The following ASS1 variants were observed in gnomAD, a reference collection of about 807,000 sequenced individuals.
ASS1 encodes argininosuccinate synthase 1, also known as argininosuccinate synthase.
ASS1 carries 58 observed loss-of-function variants against 60.5 expected under a neutral mutation model. That is an observed-to-expected ratio of 0.96 (90% confidence interval 0.78 to 1.19). The LOEUF is 1.19. Among genes scored for constraint, ASS1 ranks in the 50% most tolerant of loss-of-function variants. The probability of loss-of-function intolerance (pLI) is 0.00; values close to 1 mark genes in which losing one functional copy is unlikely to be tolerated. For synonymous variants in ASS1, 200 were observed against 206.9 expected (o/e 0.97, Z 0.29); for missense variants, 454 against 547.3 (o/e 0.83, Z 1.70).
rs778919653 is a variant in ASS1, at chr9:130,500,965, CT to C, written c.1194-10del. 1.4e-5 allele frequency: 22 copies of C among 1,613,256 alleles called. No individual in the cohort carries two copies. Among genetic ancestry groups the C allele is most frequent in the Non-Finnish European group, 1.7e-5 (20 of 1,179,524 alleles). ...ATTTACATTTTTCTTTGTTTTGAATCTGGTTTACAGGCTGAAGGAATATCAT... is the reference window on the plus strand; with the variant it reads ...ATTTACATTTTTCTTTGTTTTGAATCGGTTTACAGGCTGAAGGAATATCAT... On this transcript the variant is annotated splice_polypyrimidine_tract_variant and intron_variant, in intron 14 of 14. Transcript: ENST00000352480.
At chr9:130,451,486 C>T (rs1845324428) in intron 1 of ASS1, 1 of 290,156 alleles carries the variant, frequency 3.4e-6, no homozygotes, top group East Asian at 9.5e-5. Context: ...TTCAGAGGCG[C>T]TCACATTTGG....
chr9:130,445,994 C>T lies in ASS1; in HGVS notation c.-6+999C>T, dbSNP rs576692005. ...GGCCTTGGCTCAGCCTCCAGATTCC[C>T]AAGCTTCCTTTTCATTTTCTTTTCT... is the stretch of plus-strand genomic sequence containing the variant. On this transcript the variant is annotated intron_variant, in intron 1 of 14. Transcript: ENST00000352480. Among the ~76,000 whole-genome samples, 4 of 152,308 alleles carry T rather than the reference C, an allele frequency of 2.6e-5. No individual in the cohort carries two copies. The South Asian group carries it at 8.3e-4, about 32-fold the overall frequency.
rs1846070193 is a variant in ASS1 at position 130,478,128 on chromosome 9, C to A, written c.688+1167C>A. Among the ~76,000 whole-genome samples, 1 of 152,232 alleles carries A rather than the reference C, an allele frequency of 6.6e-6. No homozygotes were observed. On this transcript the variant is annotated intron_variant, in intron 9 of 14. Transcript: ENST00000352480. This position sits in a 1 kb window ranked among gnomAD's most constrained non-coding sequence, Gnocchi z 4.7. Reference sequence around the variant, plus strand: ...GGAGGCTAAGTGCTTTAATAATCTGCCTCTTCTGGGCCTTTCCCAAGAGCT... The same window carrying A: ...GGAGGCTAAGTGCTTTAATAATCTGACTCTTCTGGGCCTTTCCCAAGAGCT...
chr9:130,462,408 G>A (rs1194400646), intron 4 of ASS1, among the ~76,000 whole-genome samples: 1 of 152,150 alleles, frequency 6.6e-6, no homozygotes, highest in Non-Finnish European at 1.5e-5. Flanking sequence ...TGGTGCTGGG[G>A]TCTTGGGGTT....
rs1005142053 is a variant in ASS1, at chr9:130,480,464, C to A, written c.838+15C>A. Reference sequence around the variant, plus strand: ...GAAGTCCCGAGGTGAGTCTGCTCAGCCTCCCTCAGGGCCTGCCTCGGGACC... The same window carrying A: ...GAAGTCCCGAGGTGAGTCTGCTCAGACTCCCTCAGGGCCTGCCTCGGGACC... On this transcript the variant is annotated intron_variant, in intron 11 of 14. Transcript: ENST00000352480. 7 of 1,613,508 alleles carry A rather than the reference C, an allele frequency of 4.3e-6. No individual in the cohort carries two copies. The highest frequency in any genetic ancestry group is 4.5e-5 in the East Asian group (2 of 44,886).
intron 4 of ASS1, 58 bp downstream of exon 4, chr9:130,458,647 G>A (rs892936361): frequency 1.3e-6 from 2 of 1,579,732 alleles, no homozygotes; most frequent in African/African-American, 2.7e-5. Flanking sequence ...GTGTGGGAAG[G>A]AGATGAGCAC....
intron 9 of ASS1, among the ~76,000 whole-genome samples, 173 bp from the exon 10 acceptor site, chr9:130,479,543 C>G (rs748409922): frequency 1.6e-4 from 25 of 152,148 alleles, no homozygotes; most frequent in Non-Finnish European, 2.4e-4. Flanking sequence ...CTCGCCCCTT[C>G]TCTCCCTGCA....
intron 1 of ASS1, among the ~76,000 whole-genome samples, chr9:130,450,112 G>GGGCAGGAGGCAGGA (rs1008055758): frequency 6.6e-6 from 1 of 152,118 alleles, no homozygotes; most frequent in Non-Finnish European, 1.5e-5. Context: ...CTGGAGCAGG[G>GGGCAGGAGGCAGGA]GGCAGGAGGC....
rs1397280585 is a variant in ASS1 at position 130,479,718 on chromosome 9, G to A, written c.691G>A (p.Val231Ile). 1.2e-6 allele frequency: 2 copies of A among 1,613,768 alleles called. No individual in the cohort carries two copies. The highest frequency in any genetic ancestry group is 1.7e-6 in the Non-Finnish European group (2 of 1,179,694). ...ACTGCCCTCTCTTCCCACCCTAGGG[G>A]TCCCTGTGAAGGTGACCAACGTCAA... Reference protein sequence around the residue: ...DILEIEFKKGVPVKVTNVKDG... With the variant: ...DILEIEFKKGIPVKVTNVKDG... Residue 231 changes from valine (V) to isoleucine (I), a missense_variant and splice_region_variant, in exon 10 of 15, where the codon GTC becomes ATC. Transcript: ENST00000352480.
In ASS1 at chr9:130,501,023, C is replaced by T; in HGVS notation, c.*2C>T. 1 of 1,612,582 alleles carries T rather than the reference C, an allele frequency of 6.2e-7. No homozygotes were observed. Among genetic ancestry groups the T allele is most frequent in the Non-Finnish European group, 8.5e-7 (1 of 1,179,580 alleles). On this transcript the variant is annotated 3_prime_UTR_variant, in exon 15 of 15. Transcript: ENST00000352480. ...CAGAGCAAGGTCACTGCCAAATAGA[C>T]CCGTGTACAATGAGGAGCTGGGGCC...
chr9:130,463,814 G>A (rs1056441918), intron 4 of ASS1, among the ~76,000 whole-genome samples: 2 of 152,164 alleles, frequency 1.3e-5, no homozygotes, highest in Admixed American at 1.3e-4. Flanking sequence ...CAGGAGCAGG[G>A]CCTGGCCCCC....
chr9:130,472,332 C>A (rs971698991), intron 8 of ASS1, among the ~76,000 whole-genome samples: 4 of 152,088 alleles, frequency 2.6e-5, no homozygotes, highest in African/African-American at 9.7e-5. Context: ...CAGAGCCCCG[C>A]CCAGGATCCC....
At chr9:130,500,248 T>G (rs1424158702) in intron 14 of ASS1, among the ~76,000 whole-genome samples, 1 of 152,158 alleles carries the variant, frequency 6.6e-6, no homozygotes, top group African/African-American at 2.4e-5. Context: ...CACCAGCAGC[T>G]AACATAGACT....
At chr9:130,467,167 G>C (rs1845762780) in intron 6 of ASS1, among the ~76,000 whole-genome samples, 1 of 152,140 alleles carries the variant, frequency 6.6e-6, no homozygotes, top group Non-Finnish European at 1.5e-5. Flanking sequence ...ATGGCTGGGG[G>C]ATGTGATGGC....
chr9:130,457,061 T>C (rs1845465407), intron 3 of ASS1, among the ~76,000 whole-genome samples: 1 of 152,168 alleles, frequency 6.6e-6, no homozygotes, highest in African/African-American at 2.4e-5. Flanking sequence ...TTATGAAAAA[T>C]AACTATTTTC....
At chr9:130,451,781 G>T (rs1450864862) in intron 1 of ASS1, 3 of 453,940 alleles carry the variant, frequency 6.6e-6, no homozygotes, top group Non-Finnish European at 1.3e-5. Flanking sequence ...GGCTCCCAGG[G>T]CCCTGCCTGG....
chr9:130,493,928 A>G (rs926921792), intron 12 of ASS1, among the ~76,000 whole-genome samples: 9 of 152,156 alleles, frequency 5.9e-5, no homozygotes, highest in Admixed American at 5.9e-4. Context: ...ACACCAAGGG[A>G]TGTTCTGGCC....
intron 3 of ASS1, among the ~76,000 whole-genome samples, chr9:130,455,060 C>T (rs1845416453): frequency 6.6e-6 from 1 of 151,386 alleles, no homozygotes; most frequent in African/African-American, 2.4e-5. Context: ...ATCATCCATC[C>T]ATCCATCCAT....
chr9:130,470,975 G>A lies in ASS1; in HGVS notation c.566+71G>A, dbSNP rs1845854305. On this transcript the variant is annotated intron_variant, in intron 7 of 14. Transcript: ENST00000352480. The surrounding 1 kb of genome is among the most constrained non-coding windows in gnomAD (Gnocchi z 4.3). ...CAAAGGACGGCCACGCGCTGCCCCA[G>A]GACGTCCTGGTGACCCCCACACCAG... is the stretch of plus-strand genomic sequence containing the variant. 10 of 1,546,952 alleles carry A rather than the reference G, an allele frequency of 6.5e-6. No homozygotes were observed. In the Admixed American group the frequency reaches 1.7e-4, roughly 26 times the overall value.
Sources: gnomAD v4.1 joint callset for allele counts (sites outside exome capture counted in the v4.1 genomes callset) on GRCh38, gnomAD v4.1.1 for gene constraint, Gnocchi (gnomAD v3.1) non-coding constraint, MANE v1.5 for transcripts, NCBI Gene and HGNC (gene_info 2026-07-23, HGNC 2026-07-21) for gene names.